Variants in KPNA3 observed in about 807,000 individuals in gnomAD.
KPNA3 encodes the protein importin subunit alpha-4.
KPNA3 carries 13 observed loss-of-function variants against 73.8 expected under a neutral mutation model. The observed-to-expected ratio is 0.18, with a 90% CI of 0.11 to 0.28. The LOEUF (loss-of-function observed/expected upper bound fraction) is 0.28, where lower values mean the gene tolerates loss of function less well. Ranked by LOEUF, KPNA3 falls within the 10% of genes least tolerant of loss-of-function variation. The pLI, the probability that KPNA3 is intolerant of heterozygous loss-of-function variation, is 1.00. For missense variants in KPNA3, 360 were observed against 618.1 expected (o/e 0.58, Z 4.43); for synonymous variants, 186 against 206.9 (o/e 0.90, Z 0.87).
At chr13:49,711,149 T>C in intron 10 of KPNA3, 127 bp from the exon 11 acceptor site, 1 of 714,146 alleles carries the variant, frequency 1.4e-6, no homozygotes, top group Non-Finnish European at 2.2e-6. Flanking sequence ...GGCAAAAATA[T>C]CTGCTTAGCT....
At chr13:49,751,692 T>C (rs1334106740) in intron 1 of KPNA3, among the ~76,000 whole-genome samples, 1 of 152,134 alleles carries the variant, frequency 6.6e-6, no homozygotes, top group Non-Finnish European at 1.5e-5. Context: ...GAGGATTGCT[T>C]GAGCCCAGAA....
chr13:49,785,193 C>T (rs947412898), intron 1 of KPNA3, among the ~76,000 whole-genome samples: 1 of 152,098 alleles, frequency 6.6e-6, no homozygotes, highest in Non-Finnish European at 1.5e-5. Flanking sequence ...GCATCAGGCT[C>T]ACTGAAAAAT....
Position 49,701,541 on chromosome 13 carries a change from G to C in KPNA3, c.*259C>G. ...GCAGTTGTCAGCCTGTGGCACCAGG[G>C]AACAGGGAAAAATAGGGTAGTTGAG... is the stretch of plus-strand genomic sequence containing the variant. On this transcript the variant is annotated 3_prime_UTR_variant, in exon 17 of 17. Transcript: ENST00000261667. 1.8e-6 allele frequency: 1 copy of C among 561,736 alleles called. No individual in the cohort carries two copies. The highest frequency in any genetic ancestry group is 1.9e-5 in the African/African-American group (1 of 53,554). The allele number at this position is 561,736 out of a possible 1,614,324, so 34.8% of individuals were successfully genotyped here.
chr13:49,720,074 T>C (rs1432715531), intron 9 of KPNA3, among the ~76,000 whole-genome samples: 4 of 152,216 alleles, frequency 2.6e-5, no homozygotes, highest in African/African-American at 4.8e-5. Flanking sequence ...CAGAAGTTAA[T>C]GTACCTTAAA....
At chr13:49,745,846 G>A (rs1168641892) in intron 2 of KPNA3, among the ~76,000 whole-genome samples, 1 of 150,500 alleles carries the variant, frequency 6.6e-6, no homozygotes, top group Admixed American at 6.6e-5. Flanking sequence ...GGCAGATCAC[G>A]AGGTCAGGAG....
At chr13:49,719,846 A>G in intron 9 of KPNA3, 27 bp from the exon 10 acceptor site, 2 of 1,425,692 alleles carry the variant, frequency 1.4e-6, no homozygotes, top group South Asian at 1.2e-5. Context: ...AACAATACTT[A>G]ACATTAGTTA....
intron 1 of KPNA3, among the ~76,000 whole-genome samples, chr13:49,775,433 A>G (rs1954890166): frequency 6.6e-6 from 1 of 152,176 alleles, no homozygotes; most frequent in South Asian, 2.1e-4. Flanking sequence ...GGAAACACTG[A>G]CCAAACAGGC....
intron 2 of KPNA3, among the ~76,000 whole-genome samples, chr13:49,737,586 TG>T (rs1382583262): frequency 4.7e-5 from 7 of 150,180 alleles, no homozygotes; most frequent in African/African-American, 1.7e-4. Context: ...TGTGTGTGTG[TG>T]TGTGTGTGTG....
intron 12 of KPNA3, 73 bp from the exon 13 acceptor site, chr13:49,706,445 T>C: frequency 3.0e-6 from 3 of 1,005,218 alleles, no homozygotes. Context: ...ATATATTTTA[T>C]ATAGACAATA....
chr13:49,741,534 A>G (rs1954574240), intron 2 of KPNA3, among the ~76,000 whole-genome samples: 1 of 151,504 alleles, frequency 6.6e-6, no homozygotes, highest in African/African-American at 2.4e-5. Context: ...GCTCACTGCA[A>G]ACTCCGCCTC....
chr13:49,718,066 C>G (rs765677494), intron 10 of KPNA3, among the ~76,000 whole-genome samples: 1 of 151,994 alleles, frequency 6.6e-6, no homozygotes, highest in Non-Finnish European at 1.5e-5. Flanking sequence ...AGGCCTTGGA[C>G]CTGGCTTCAG....
intron 10 of KPNA3, among the ~76,000 whole-genome samples, chr13:49,711,846 G>C (rs1007868497): frequency 1.3e-5 from 2 of 151,998 alleles, no homozygotes; most frequent in Non-Finnish European, 2.9e-5. Context: ...CTTCAAAAAA[G>C]GATATAGATG....
At chr13:49,759,678 A>G (rs1056101875) in intron 1 of KPNA3, among the ~76,000 whole-genome samples, 1 of 152,108 alleles carries the variant, frequency 6.6e-6, no homozygotes, top group African/African-American at 2.4e-5. Flanking sequence ...TGCTCCTTTG[A>G]GAATCAAATG....
chr13:49,740,831 C>T (rs1360274788), intron 2 of KPNA3, among the ~76,000 whole-genome samples: 1 of 152,072 alleles, frequency 6.6e-6, no homozygotes, highest in African/African-American at 2.4e-5. Context: ...CTGGCCCCAG[C>T]CCCTGGTAAC....
intron 1 of KPNA3, among the ~76,000 whole-genome samples, chr13:49,768,035 T>G (rs1954822797): frequency 6.6e-6 from 1 of 152,164 alleles, no homozygotes; most frequent in African/African-American, 2.4e-5. Context: ...ATCCCAGCAC[T>G]TTGGGAGGCC....
intron 6 of KPNA3, among the ~76,000 whole-genome samples, chr13:49,728,924 TTC>T (rs1206838068): frequency 6.6e-6 from 1 of 152,330 alleles, no homozygotes; most frequent in East Asian, 1.9e-4. Flanking sequence ...ATCTTGTGAC[TTC>T]TTTTTGTTTC....
chr13:49,751,393 C>T (rs1223007690), intron 1 of KPNA3, among the ~76,000 whole-genome samples: 1 of 152,208 alleles, frequency 6.6e-6, no homozygotes, highest in African/African-American at 2.4e-5. Flanking sequence ...TAAGAGTAAG[C>T]CACCATCATC....
intron 1 of KPNA3, among the ~76,000 whole-genome samples, chr13:49,748,286 G>C (rs1462016385): frequency 6.6e-6 from 1 of 151,980 alleles, no homozygotes; most frequent in African/African-American, 2.4e-5. Flanking sequence ...AAATAAGTTT[G>C]AGATAGATGT....
chr13:49,777,471 T>C (rs889988292), intron 1 of KPNA3, among the ~76,000 whole-genome samples: 3 of 152,172 alleles, frequency 2.0e-5, no homozygotes, highest in African/African-American at 4.8e-5. Context: ...TACCTAATAT[T>C]ATATAAATGC....
Sources: gnomAD v4.1 joint callset for allele counts (sites outside exome capture counted in the v4.1 genomes callset) on GRCh38, gnomAD v4.1.1 for gene constraint, MANE v1.5 for transcripts, NCBI Gene and HGNC (gene_info 2026-07-23, HGNC 2026-07-21) for gene names.